The following FRYL variants were observed in gnomAD, a reference collection of about 807,000 sequenced individuals.
FRYL encodes protein furry homolog-like.
FRYL carries 150 observed loss-of-function variants against 351.2 expected under a neutral mutation model. The observed-to-expected ratio is 0.43, with a 90% CI of 0.37 to 0.49. The LOEUF is 0.49. FRYL is among the 20% of genes least tolerant of loss of function. The pLI, the probability that FRYL is intolerant of heterozygous loss-of-function variation, is 0.00. For missense variants in FRYL, 3,036 were observed against 3,619.3 expected (o/e 0.84, Z 4.13); for synonymous variants, 1,153 against 1,257.1 (o/e 0.92, Z 1.75).
chr4:48,529,352 G>A (rs1210737363), intron 50 of FRYL, among the ~76,000 whole-genome samples: 1 of 152,128 alleles, frequency 6.6e-6, no homozygotes, highest in Non-Finnish European at 1.5e-5. Flanking sequence ...TATCTCCAGT[G>A]CCTATGCATG....
At chr4:48,541,097 A>G (rs1179996103) in intron 45 of FRYL, 137 bp from the exon 46 acceptor site, 1 of 797,282 alleles carries the variant, frequency 1.3e-6, no homozygotes, top group East Asian at 2.7e-5. Context: ...TTGTTGAATC[A>G]AATTTCAGTT....
chr4:48,671,884 A>AAAC (rs1560832651), intron 3 of FRYL, among the ~76,000 whole-genome samples: 1 of 149,014 alleles, frequency 6.7e-6, no homozygotes, highest in Non-Finnish European at 1.5e-5. Context: ...AAAAAAAAAA[A>AAAC]AAAAAAAGAA....
intron 3 of FRYL, chr4:48,653,572 A>T (rs549469911): frequency 8.2e-5 from 35 of 425,520 alleles, no homozygotes; most frequent in African/African-American, 5.3e-4. Context: ...TATCTTACTG[A>T]TTACCATTCA....
At chr4:48,658,551 A>G (rs928174135) in intron 3 of FRYL, among the ~76,000 whole-genome samples, 4 of 146,958 alleles carry the variant, frequency 2.7e-5, no homozygotes, top group African/African-American at 1.0e-4. Context: ...AGCCTGGACA[A>G]CATGGCAAAA....
At chr4:48,666,097 T>C (rs529864752) in intron 3 of FRYL, among the ~76,000 whole-genome samples, 3 of 152,174 alleles carry the variant, frequency 2.0e-5, no homozygotes, top group Non-Finnish European at 2.9e-5. Flanking sequence ...CACAGTGGCT[T>C]ACGCCTGTAA....
chr4:48,751,333 T>A (rs1290698793), intron 1 of FRYL, among the ~76,000 whole-genome samples: 1 of 152,216 alleles, frequency 6.6e-6, no homozygotes, highest in South Asian at 2.1e-4. Context: ...AAAACATGAA[T>A]TAAGAATCTG....
At chr4:48,721,860 G>C (rs1355536605) in intron 1 of FRYL, among the ~76,000 whole-genome samples, 1 of 152,118 alleles carries the variant, frequency 6.6e-6, no homozygotes, top group Non-Finnish European at 1.5e-5. Context: ...GGCTGGTCTT[G>C]AACTCCTGAC....
At chr4:48,702,323 G>A (rs1370609617) in intron 2 of FRYL, among the ~76,000 whole-genome samples, 5 of 151,478 alleles carry the variant, frequency 3.3e-5, no homozygotes, top group Admixed American at 1.3e-4. Context: ...AAGCATGGTG[G>A]TGCATGTCTG....
intron 33 of FRYL, among the ~76,000 whole-genome samples, chr4:48,558,093 C>G (rs953383489): frequency 1.3e-5 from 2 of 152,128 alleles, no homozygotes; most frequent in African/African-American, 4.8e-5. Context: ...AGCAGAAACT[C>G]AAACAAATAT....
chr4:48,707,001 C>T (rs1767438047), intron 2 of FRYL, among the ~76,000 whole-genome samples: 1 of 152,020 alleles, frequency 6.6e-6, no homozygotes. Context: ...CCAAAAGCAC[C>T]CAGCTAAGCT....
intron 1 of FRYL, among the ~76,000 whole-genome samples, chr4:48,754,630 C>G (rs950674692): frequency 2.0e-5 from 3 of 149,996 alleles, no homozygotes; most frequent in African/African-American, 7.4e-5. Context: ...TTCTCCATAT[C>G]TTCATTCACA....
At chr4:48,521,358 A>C (rs1724853834) in intron 54 of FRYL, 143 bp from the exon 55 acceptor site, 1 of 619,794 alleles carries the variant, frequency 1.6e-6, no homozygotes, top group South Asian at 2.5e-5. Context: ...CTTCCAGTCT[A>C]CACCAGAATG....
chr4:48,499,907 A>T, intron 63 of FRYL, 123 bp downstream of exon 63: 1 of 813,646 alleles, frequency 1.2e-6, no homozygotes, highest in Non-Finnish European at 1.9e-6. Flanking sequence ...ACTGTTAAAA[A>T]TACTCATGTT....
intron 1 of FRYL, among the ~76,000 whole-genome samples, chr4:48,725,192 C>T (rs957161051): frequency 2.0e-5 from 3 of 152,212 alleles, no homozygotes; most frequent in Non-Finnish European, 4.4e-5. Flanking sequence ...GCCCTTACAT[C>T]GGCCATATCT....
intron 19 of FRYL, among the ~76,000 whole-genome samples, chr4:48,584,253 C>T (rs75066673): frequency 1.1e-4 from 16 of 152,164 alleles, no homozygotes; most frequent in East Asian, 5.8e-4. Flanking sequence ...AAGGTAAGTA[C>T]GTAATATTAA....
chr4:48,642,070 C>T (rs1440522544), intron 3 of FRYL, among the ~76,000 whole-genome samples: 2 of 152,146 alleles, frequency 1.3e-5, no homozygotes, highest in Non-Finnish European at 2.9e-5. Context: ...TACTCACTAT[C>T]ATAAACTAAA....
chr4:48,505,708 G>C (rs555651470), intron 59 of FRYL, 93 bp from the exon 60 acceptor site: 3 of 748,152 alleles, frequency 4.0e-6, no homozygotes, highest in Non-Finnish European at 6.8e-6. Flanking sequence ...AAGTTAACTT[G>C]AAGTTCTAGG....
chr4:48,742,346 G>C (rs1480061052), intron 1 of FRYL, among the ~76,000 whole-genome samples: 4 of 152,114 alleles, frequency 2.6e-5, no homozygotes, highest in African/African-American at 9.7e-5. Flanking sequence ...CCTTGAAACT[G>C]TTCCCTCATT....
At chr4:48,710,296 A>G (rs1767863022) in intron 2 of FRYL, among the ~76,000 whole-genome samples, 1 of 152,238 alleles carries the variant, frequency 6.6e-6, no homozygotes, top group African/African-American at 2.4e-5. Context: ...TAAGGCACAT[A>G]AAGTGCACAG....
Sources: allele counts gnomAD v4.1 joint callset (sites outside exome capture counted in the v4.1 genomes callset), GRCh38; gene constraint gnomAD v4.1.1; transcripts MANE v1.5; gene names NCBI Gene and HGNC (gene_info 2026-07-23, HGNC 2026-07-21).